ATP2B4: variants seen among roughly 807,000 people sequenced by gnomAD.
ATP2B4 encodes the protein plasma membrane calcium-transporting ATPase 4.
Under a neutral mutation model 110.3 loss-of-function variants are expected in ATP2B4, and 39 were observed. The observed-to-expected ratio is 0.35, with a 90% CI of 0.27 to 0.46. The LOEUF is 0.46. ATP2B4 is among the 20% of genes least tolerant of loss of function. The pLI, the probability that ATP2B4 is intolerant of heterozygous loss-of-function variation, is 1.00. For synonymous variants in ATP2B4, 538 were observed against 571.7 expected (o/e 0.94, Z 0.84); for missense variants, 1,135 against 1,530.9 (o/e 0.74, Z 4.32).
intron 2 of ATP2B4, among the ~76,000 whole-genome samples, chr1:203,697,044 A>G (rs995356559): frequency 6.6e-6 from 1 of 152,038 alleles, no homozygotes; most frequent in Admixed American, 6.5e-5. Context: ...TTTTTATTCA[A>G]TCTGAGTAGT....
intron 1 of ATP2B4, among the ~76,000 whole-genome samples, chr1:203,661,529 G>C (rs1664338295): frequency 6.6e-6 from 1 of 152,206 alleles, no homozygotes; most frequent in South Asian, 2.1e-4. Flanking sequence ...TGTTCTCTGA[G>C]CTGATGATGG....
intron 1 of ATP2B4, among the ~76,000 whole-genome samples, chr1:203,673,803 C>A (rs540658360): frequency 6.6e-6 from 1 of 152,156 alleles, no homozygotes; most frequent in Non-Finnish European, 1.5e-5. Context: ...CAGTCTGTGG[C>A]CAGGCAACTT....
intron 2 of ATP2B4, among the ~76,000 whole-genome samples, chr1:203,684,481 A>G (rs12023891): frequency 6.6e-6 from 1 of 150,828 alleles, no homozygotes; most frequent in East Asian, 2.0e-4. Context: ...TCAGCCTCCT[A>G]GGCAGTTGGG....
Position 203,629,967 on chromosome 1 carries a change from G to C in ATP2B4, c.-465+2748G>C, listed in dbSNP as rs554550485. On this transcript the variant is annotated intron_variant, in intron 1 of 20. Coordinates refer to ENST00000357681, the MANE Select transcript of ATP2B4 (RefSeq NM_001684.5). This position sits in a 1 kb window ranked among gnomAD's most constrained non-coding sequence, Gnocchi z 4.6. ...CAGCGAGTTCCTAACCCGCCGTCTG[G>C]CCTCCAGTTTCCCCTCTGCACAATG... Among the ~76,000 whole-genome samples, 1 of 152,178 alleles carries C rather than the reference G, an allele frequency of 6.6e-6. No homozygotes were observed. The highest frequency in any genetic ancestry group is 1.5e-5 in the Non-Finnish European group (1 of 68,038).
chr1:203,681,619 C>T (rs909667299), intron 1 of ATP2B4, among the ~76,000 whole-genome samples: 2 of 152,170 alleles, frequency 1.3e-5, no homozygotes, highest in African/African-American at 4.8e-5. Flanking sequence ...GAGAAGGGGC[C>T]TCAGGATAAG....
At chr1:203,727,253 G>T in intron 19 of ATP2B4, 142 bp from the exon 20 acceptor site, 2 of 922,732 alleles carry the variant, frequency 2.2e-6, no homozygotes, top group Non-Finnish European at 3.2e-6. Context: ...TGGATGGATT[G>T]GTGCTTCTGC....
intron 2 of ATP2B4, among the ~76,000 whole-genome samples, chr1:203,695,400 C>T (rs1665503387): frequency 1.3e-5 from 2 of 152,230 alleles, no homozygotes; most frequent in African/African-American, 4.8e-5. Context: ...GGCTTTCCCT[C>T]CTACTGGGAA....
chr1:203,730,230 T>A (rs1162205522), intron 20 of ATP2B4, among the ~76,000 whole-genome samples: 9 of 137,284 alleles, frequency 6.6e-5, no homozygotes, highest in Non-Finnish European at 1.3e-4. Flanking sequence ...AGAGCTGAAT[T>A]AAAAAAAAAA....
chr1:203,704,535 C>G (rs1450040668), intron 8 of ATP2B4, among the ~76,000 whole-genome samples: 1 of 124,114 alleles, frequency 8.1e-6, no homozygotes, highest in Non-Finnish European at 1.6e-5. Context: ...GGATGGAGTG[C>G]AGTGGCACCA....
intron 16 of ATP2B4, among the ~76,000 whole-genome samples, 184 bp from the exon 17 acceptor site, chr1:203,721,013 T>G (rs1666305368): frequency 6.6e-6 from 1 of 152,190 alleles, no homozygotes; most frequent in African/African-American, 2.4e-5. Flanking sequence ...GTAGGTATTA[T>G]TATCCCCATT....
At chr1:203,713,375 G>A (rs1558047336) in intron 14 of ATP2B4, 123 bp downstream of exon 14, 3 of 940,340 alleles carry the variant, frequency 3.2e-6, no homozygotes, top group Non-Finnish European at 3.3e-6. Flanking sequence ...AGAGCTCCCA[G>A]GCTAGTGGGG....
At position 203,742,040 on chromosome 1, in the gene ATP2B4, T is replaced by G. The variant is rs11578564; in HGVS notation, c.*2186T>G. The G allele has an allele frequency of 1.3e-5, 2 of 152,518 alleles. No homozygotes were observed. Among genetic ancestry groups the G allele is most frequent in the Non-Finnish European group, 2.9e-5 (2 of 68,008 alleles). 9.4% of individuals were successfully genotyped at this position (152,518 alleles called of 1,614,324 possible). ...GTGTCTACTTTTTAAAAGTCAATGG[T>G]TTTTTTTCTTGTGTTCTAGTTTCCA... On this transcript the variant is annotated 3_prime_UTR_variant, in exon 21 of 21. Coordinates refer to ENST00000357681, the MANE Select transcript of ATP2B4 (RefSeq NM_001684.5).
At chr1:203,693,872 G>A (rs1047767788) in intron 2 of ATP2B4, among the ~76,000 whole-genome samples, 1 of 152,180 alleles carries the variant, frequency 6.6e-6, no homozygotes, top group Non-Finnish European at 1.5e-5. Flanking sequence ...AACCTGGCAA[G>A]TCCTAGGCAA....
At chr1:203,662,970 T>A (rs567707427) in intron 1 of ATP2B4, among the ~76,000 whole-genome samples, 2 of 152,282 alleles carry the variant, frequency 1.3e-5, no homozygotes, top group South Asian at 4.1e-4. Context: ...GAGAAGTGAT[T>A]ATCTGGGGCC....
At chr1:203,669,822 G>T (rs1288542885) in intron 1 of ATP2B4, among the ~76,000 whole-genome samples, 1 of 152,170 alleles carries the variant, frequency 6.6e-6, no homozygotes, top group Non-Finnish European at 1.5e-5. Flanking sequence ...TTCATTAATT[G>T]CACAGGTTAG....
rs1485425792 is a variant in ATP2B4, at chr1:203,712,075, G to A, written c.2147G>A (p.Gly716Glu). The A allele has an allele frequency of 1.9e-6, 3 of 1,614,042 alleles. No individual in the cohort carries two copies. Among genetic ancestry groups the A allele is most frequent in the East Asian group, 2.2e-5 (1 of 44,882 alleles). The change falls in exon 13 of 21, where the codon GGG becomes GAG. Residue 716 changes from glycine (G) to glutamate (E), a missense_variant. By Grantham distance (98) the Gly-to-Glu change is moderately conservative (BLOSUM62 -2). This residue lies in a region of ATP2B4 where 368 missense variants were observed against 455.9 expected (regional missense o/e 0.81). Transcript: ENST00000357681. ...IATKCGILTPGDDFLCLEGKE... is the reference protein window; with the variant it reads ...IATKCGILTPEDDFLCLEGKE... ...ACCAAATGTGGCATTCTGACACCTG[G>A]GGATGACTTCCTGTGCTTAGAAGGC...
At chr1:203,693,179 G>A (rs188839434) in intron 2 of ATP2B4, among the ~76,000 whole-genome samples, 2 of 152,256 alleles carry the variant, frequency 1.3e-5, no homozygotes, top group Admixed American at 1.3e-4. Flanking sequence ...TTCCCAGGCT[G>A]GACAAGTATT....
chr1:203,632,209 A>AG (rs1452576728), intron 1 of ATP2B4, among the ~76,000 whole-genome samples: 1 of 152,124 alleles, frequency 6.6e-6, no homozygotes, highest in Non-Finnish European at 1.5e-5. Flanking sequence ...GTAGCCAAAA[A>AG]GAAAAAAAAA....
chr1:203,639,565 G>T (rs1409677280), intron 1 of ATP2B4, among the ~76,000 whole-genome samples: 1 of 152,194 alleles, frequency 6.6e-6, no homozygotes. Flanking sequence ...AACTGAGCTG[G>T]TAGGGGCCTT....
Sources: gnomAD v4.1 joint callset for allele counts (sites outside exome capture counted in the v4.1 genomes callset) on GRCh38, gnomAD v4.1.1 for gene constraint, gnomAD v4.1.1 regional missense constraint, Gnocchi (gnomAD v3.1) non-coding constraint, MANE v1.5 for transcripts, NCBI Gene and HGNC (gene_info 2026-07-23, HGNC 2026-07-21) for gene names.